RBFOX3: variants seen among roughly 807,000 people sequenced by gnomAD.
RBFOX3 encodes RNA binding fox-1 homolog 3, also known as RNA binding protein fox-1 homolog 3.
A neutral mutation model predicts 48.7 loss-of-function variants in RBFOX3; 17 were observed. The ratio of observed to expected loss-of-function variants is 0.35; its 90% CI spans 0.24 to 0.52. The LOEUF (loss-of-function observed/expected upper bound fraction) is 0.52. RBFOX3 is among the 20% of genes least tolerant of loss of function. The pLI is 0.94. For missense variants in RBFOX3, 382 were observed against 497.5 expected (o/e 0.77, Z 2.21); for synonymous variants, 212 against 209.5 (o/e 1.01, Z -0.10).
intron 4 of RBFOX3, among the ~76,000 whole-genome samples, chr17:79,141,963 AC>A (rs2144261484): frequency 6.6e-6 from 1 of 152,228 alleles, no homozygotes; most frequent in Admixed American, 6.5e-5. Context: ...AAGCAAAGAA[AC>A]CCTGAGAAAG....
chr17:79,216,478 A>G (rs141407890), intron 4 of RBFOX3, among the ~76,000 whole-genome samples: 1 of 152,204 alleles, frequency 6.6e-6, no homozygotes, highest in East Asian at 1.9e-4. Context: ...GGAGCAGCTT[A>G]GAGGTAGGAC....
At chr17:79,444,412 A>C (rs1377153649) in intron 2 of RBFOX3, among the ~76,000 whole-genome samples, 5 of 152,120 alleles carry the variant, frequency 3.3e-5, no homozygotes, top group African/African-American at 1.2e-4. Context: ...CGGGGGAAGA[A>C]ACCTGAGCTC....
intron 1 of RBFOX3, among the ~76,000 whole-genome samples, chr17:79,572,294 C>T (rs1195602422): frequency 6.6e-6 from 1 of 152,174 alleles, no homozygotes; most frequent in African/African-American, 2.4e-5. Flanking sequence ...AGCATCGCCC[C>T]GCCACCCGGC....
chr17:79,101,774 C>A, intron 8 of RBFOX3, 130 bp from the exon 9 acceptor site: 1 of 826,102 alleles, frequency 1.2e-6, no homozygotes, highest in Non-Finnish European at 2.0e-6. Context: ...CTCCACCATG[C>A]TGCCTGCCCT....
intron 5 of RBFOX3, among the ~76,000 whole-genome samples, chr17:79,112,804 A>C (rs1003444230): frequency 1.3e-5 from 2 of 149,444 alleles, no homozygotes; most frequent in Non-Finnish European, 3.0e-5. Flanking sequence ...CTTGGGCGAG[A>C]GGGCGGGAAG....
At chr17:79,158,704 C>T (rs1365707762) in intron 4 of RBFOX3, among the ~76,000 whole-genome samples, 1 of 152,138 alleles carries the variant, frequency 6.6e-6, no homozygotes. Flanking sequence ...GAAATTAAAA[C>T]ATAAATGAAA....
chr17:79,575,727 T>C (rs1731672485), intron 1 of RBFOX3, among the ~76,000 whole-genome samples: 1 of 152,202 alleles, frequency 6.6e-6, no homozygotes, highest in African/African-American at 2.4e-5. Flanking sequence ...TTCCGACTTC[T>C]GAGAAAGAGC....
At position 79,443,995 on chromosome 17, in the gene RBFOX3, A is replaced by G. The variant is rs1409549406; in HGVS notation, c.-175+38459T>C. On this transcript the variant is annotated intron_variant, in intron 2 of 14. Transcript: ENST00000693108. This position sits in a 1 kb window ranked among gnomAD's most constrained non-coding sequence, Gnocchi z 4.4. ...TGCCATCCCTCTTCCCATCTCCCAA[A>G]GGAGGAAACTGAGGCAGGAAGCAAA... 6.6e-6 allele frequency among the ~76,000 whole-genome samples: 1 copy of G among 152,164 alleles called. No homozygotes were observed. The highest frequency in any genetic ancestry group is 1.5e-5 in the Non-Finnish European group (1 of 68,022).
intron 2 of RBFOX3, among the ~76,000 whole-genome samples, chr17:79,420,781 A>G (rs971625): frequency 0.37 from 56,185 of 152,140 alleles, 10,500 homozygotes; most frequent in Middle Eastern, 0.41. Flanking sequence ...CTTCTAGGAC[A>G]GGATGTCTAA....
At chr17:79,170,147 A>AAGG (rs2048949164) in intron 4 of RBFOX3, among the ~76,000 whole-genome samples, 1 of 142,462 alleles carries the variant, frequency 7.0e-6, no homozygotes, top group East Asian at 2.1e-4. Context: ...GGAGGGAAGG[A>AAGG]AGGAAGGGAG....
In RBFOX3 at chr17:79,176,712, C is replaced by T. The variant is rs564094609; in HGVS notation, c.-34+59054G>A. 8.8e-4 allele frequency among the ~76,000 whole-genome samples: 133 copies of T among 151,674 alleles called. 1 individual carries two copies. Among genetic ancestry groups the T allele is most frequent in the African/African-American group, 2.8e-3 (116 of 41,300 alleles). On this transcript the variant is annotated intron_variant, in intron 4 of 14. Transcript: ENST00000693108. Reference sequence around the variant, plus strand: ...GGGATGAGGAGGGGCTGGAATCTTCCGGGAGGAAGTAGTGGTGGCTCTCCC... The same window carrying T: ...GGGATGAGGAGGGGCTGGAATCTTCTGGGAGGAAGTAGTGGTGGCTCTCCC...
chr17:79,564,221 T>C (rs2092367821), intron 1 of RBFOX3, among the ~76,000 whole-genome samples: 1 of 152,240 alleles, frequency 6.6e-6, no homozygotes, highest in Non-Finnish European at 1.5e-5. Flanking sequence ...CAGCTCCCAT[T>C]TGACTTCCTT....
the RBFOX3 span, among the ~76,000 whole-genome samples, chr17:79,620,083 A>ATGTGTGC: frequency 6.7e-6 from 1 of 148,658 alleles, no homozygotes; most frequent in Non-Finnish European, 1.5e-5. Context: ...ACATGCACAC[A>ATGTGTGC]AGCACATGCA....
chr17:79,623,526 G>A, the RBFOX3 span, among the ~76,000 whole-genome samples: 14 of 152,150 alleles, frequency 9.2e-5, no homozygotes, highest in Non-Finnish European at 1.8e-4. Flanking sequence ...AAAAGTGGAA[G>A]AGGAGACTGG....
chr17:79,091,502 C>T lies in RBFOX3; in HGVS notation c.1078-617G>A, dbSNP rs141054703. Among the ~76,000 whole-genome samples, 700 of 152,340 alleles carry T rather than the reference C, an allele frequency of 4.6e-3. 4 individuals are homozygous for T. Among genetic ancestry groups the T allele is most frequent in the African/African-American group, 0.013 (541 of 41,580 alleles). On this transcript the variant is annotated intron_variant, in intron 14 of 14. Coordinates refer to ENST00000693108, the MANE Select transcript of RBFOX3 (RefSeq NM_001350451.2). ...GTCCCAGCCAGTGTCTCCCCAGAAG[C>T]GCCATGCACCGGGCTGGCCAGTCCC... is the stretch of plus-strand genomic sequence containing the variant.
chr17:79,200,919 G>A (rs558264212), intron 4 of RBFOX3, among the ~76,000 whole-genome samples: 2 of 152,028 alleles, frequency 1.3e-5, no homozygotes, highest in African/African-American at 2.4e-5. Context: ...TGTGTGCGGC[G>A]GGCAGCTGGG....
the RBFOX3 span, among the ~76,000 whole-genome samples, chr17:79,617,568 C>T: frequency 1.3e-5 from 2 of 152,202 alleles, no homozygotes; most frequent in Non-Finnish European, 2.9e-5. Flanking sequence ...CGACTTCATC[C>T]TCCACCACAG....
intron 2 of RBFOX3, among the ~76,000 whole-genome samples, chr17:79,469,292 C>A (rs1447123098): frequency 6.6e-6 from 1 of 152,202 alleles, no homozygotes; most frequent in Non-Finnish European, 1.5e-5. Context: ...GACATGTATG[C>A]TGGGCGGGCT....
chr17:79,154,271 C>T (rs1239689813), intron 4 of RBFOX3, among the ~76,000 whole-genome samples: 2 of 152,162 alleles, frequency 1.3e-5, no homozygotes, highest in Non-Finnish European at 2.9e-5. Context: ...TTTCCTTGCC[C>T]AGCTCCTTCT....
Sources: gnomAD v4.1 joint callset for allele counts (sites outside exome capture counted in the v4.1 genomes callset) on GRCh38, gnomAD v4.1.1 for gene constraint, Gnocchi (gnomAD v3.1) non-coding constraint, MANE v1.5 for transcripts, NCBI Gene and HGNC (gene_info 2026-07-23, HGNC 2026-07-21) for gene names.